The following ACOXL variants were observed in gnomAD, a reference collection of about 807,000 sequenced individuals.
ACOXL encodes the protein acyl-coenzyme A oxidase-like protein.
In ACOXL, 70 loss-of-function variants were observed where a neutral mutation model predicts 71.9. The ratio of observed to expected loss-of-function variants is 0.97; its 90% CI spans 0.80 to 1.19. The LOEUF (loss-of-function observed/expected upper bound fraction) is 1.19, where lower values mean the gene tolerates loss of function less well. ACOXL is among the 50% of genes most tolerant of loss of function. The probability of loss-of-function intolerance (pLI) is 0.00; values close to 1 mark genes in which losing one functional copy is unlikely to be tolerated. For synonymous variants in ACOXL, 253 were observed against 281.6 expected, an observed-to-expected ratio of 0.90 and a Z score of 1.02; for missense variants, 703 against 736.3, an observed-to-expected ratio of 0.95 and a Z score of 0.52.
chr2:110,793,985 C>G (rs1165175818), intron 4 of ACOXL, 91 bp from the exon 5 acceptor site: 18 of 1,334,184 alleles, frequency 1.3e-5, no homozygotes, highest in Admixed American at 1.8e-5. Context: ...ACCTGTCCCT[C>G]TCTCACCACC....
At chr2:110,953,865 T>C (rs2061411839) in intron 12 of ACOXL, among the ~76,000 whole-genome samples, 1 of 152,084 alleles carries the variant, frequency 6.6e-6, no homozygotes, top group Non-Finnish European at 1.5e-5. Flanking sequence ...TTTTAAATGA[T>C]CAGATCTCGT....
At chr2:110,922,568 A>G (rs2060118940) in intron 11 of ACOXL, among the ~76,000 whole-genome samples, 1 of 152,194 alleles carries the variant, frequency 6.6e-6, no homozygotes, top group East Asian at 1.9e-4. Flanking sequence ...TGTTTGTCAT[A>G]TATCTATGAT....
chr2:111,103,023 GCTCAC>G (rs2069281171), intron 17 of ACOXL, among the ~76,000 whole-genome samples: 2 of 152,186 alleles, frequency 1.3e-5, no homozygotes, highest in Non-Finnish European at 2.9e-5. Flanking sequence ...AAGCGCTGTG[GCTCAC>G]GCCTGTAATC....
intron 14 of ACOXL, among the ~76,000 whole-genome samples, chr2:111,004,733 G>C (rs2063792893): frequency 6.6e-6 from 1 of 152,144 alleles, no homozygotes; most frequent in Non-Finnish European, 1.5e-5. Flanking sequence ...CACCAATCAG[G>C]GATCTTGATC....
rs369594959 is a variant in ACOXL, at chr2:111,040,714, G to A, written c.1370-8504G>A. 9.2e-5 allele frequency among the ~76,000 whole-genome samples: 14 copies of A among 152,322 alleles called. No homozygotes were observed. The South Asian group carries it at 2.9e-3, about 32-fold the overall frequency. On this transcript the variant is annotated intron_variant, in intron 15 of 17. Coordinates refer to ENST00000439055, the MANE Select transcript of ACOXL (RefSeq NM_001142807.4). Reference sequence around the variant, plus strand: ...TGAGACTTTGCCTTTTGAAGGGCAGGTAGAATTTAGCTATCTGGAAGGTGG... The same window carrying A: ...TGAGACTTTGCCTTTTGAAGGGCAGATAGAATTTAGCTATCTGGAAGGTGG...
intron 9 of ACOXL, among the ~76,000 whole-genome samples, chr2:110,835,564 T>A (rs1439217118): frequency 3.9e-5 from 6 of 152,252 alleles, no homozygotes; most frequent in Admixed American, 3.9e-4. Flanking sequence ...GGAGGCCTCA[T>A]CTCCTCCAGA....
intron 14 of ACOXL, among the ~76,000 whole-genome samples, chr2:111,015,533 A>G (rs1290637872): frequency 2.0e-5 from 3 of 152,210 alleles, no homozygotes; most frequent in East Asian, 3.8e-4. Flanking sequence ...TAAAATGGTA[A>G]TCACCACTCT....
intron 16 of ACOXL, among the ~76,000 whole-genome samples, chr2:111,071,618 G>T (rs908811316): frequency 6.6e-6 from 1 of 152,200 alleles, no homozygotes; most frequent in African/African-American, 2.4e-5. Context: ...GTTGCTGGGG[G>T]AAGCTGTTCT....
At chr2:111,015,394 A>G (rs1368803631) in intron 14 of ACOXL, among the ~76,000 whole-genome samples, 1 of 152,204 alleles carries the variant, frequency 6.6e-6, no homozygotes, top group African/African-American at 2.4e-5. Context: ...CATCCCAGAA[A>G]TGGAAATTAA....
chr2:110,892,957 A>AT (rs896486621), intron 10 of ACOXL, among the ~76,000 whole-genome samples: 7 of 152,156 alleles, frequency 4.6e-5, no homozygotes, highest in Admixed American at 1.3e-4. Flanking sequence ...ATGTTGGTAG[A>AT]TTTTTTCCCA....
chr2:110,982,325 G>A (rs534210349), intron 12 of ACOXL, among the ~76,000 whole-genome samples: 4 of 152,152 alleles, frequency 2.6e-5, no homozygotes, highest in African/African-American at 9.6e-5. Context: ...TGCTAAAGTA[G>A]TCCTTCCGCT....
intron 9 of ACOXL, among the ~76,000 whole-genome samples, chr2:110,808,683 C>T (rs1686957027): frequency 6.6e-6 from 1 of 152,174 alleles, no homozygotes; most frequent in Non-Finnish European, 1.5e-5. Flanking sequence ...CCCCCTTTTG[C>T]ATGGGTTGTT....
Position 110,826,752 on chromosome 2 carries a change from CTT to C in ACOXL, c.754-14605_754-14604del, listed in dbSNP as rs775164507. Among the ~76,000 whole-genome samples the C allele has an allele frequency of 5.1e-5, 6 of 116,534 alleles. No individual in the cohort carries two copies. In the East Asian group the frequency reaches 7.4e-4, roughly 14 times the overall value. The allele number at this position is 116,534 out of a possible 152,430, so 76.5% of individuals were successfully genotyped here. On this transcript the variant is annotated intron_variant, in intron 9 of 17. Coordinates refer to ENST00000439055, the MANE Select transcript of ACOXL (RefSeq NM_001142807.4). ...GTTGTTTTGCTATTTTCTCTCTTTGCTTTTTTTTTTTTTTTCCTTTTTTTTTT... is the reference window on the plus strand; with the variant it reads ...GTTGTTTTGCTATTTTCTCTCTTTGCTTTTTTTTTTTTTCCTTTTTTTTTT...
chr2:110,788,552 A>G (rs1684266651), intron 3 of ACOXL, among the ~76,000 whole-genome samples: 2 of 152,340 alleles, frequency 1.3e-5, no homozygotes, highest in South Asian at 2.1e-4. Flanking sequence ...AGTTTTGGAA[A>G]TAGTGGTGAT....
chr2:110,980,999 C>G (rs1445515275), intron 12 of ACOXL, among the ~76,000 whole-genome samples: 1 of 152,168 alleles, frequency 6.6e-6, no homozygotes, highest in Non-Finnish European at 1.5e-5. Flanking sequence ...CCTGCATTCT[C>G]TTTGTATCCC....
chr2:110,735,997 C>T (rs1287468647), intron 1 of ACOXL, among the ~76,000 whole-genome samples: 1 of 152,104 alleles, frequency 6.6e-6, no homozygotes, highest in Non-Finnish European at 1.5e-5. Context: ...CCTTCTTCTC[C>T]CACTTGTAGC....
At chr2:110,759,672 C>G (rs943669450) in intron 1 of ACOXL, among the ~76,000 whole-genome samples, 3 of 152,084 alleles carry the variant, frequency 2.0e-5, no homozygotes, top group Admixed American at 2.0e-4. Context: ...GATCATACTT[C>G]CATGGGTTTA....
chr2:110,792,897 G>A (rs1336128759), intron 3 of ACOXL, among the ~76,000 whole-genome samples: 1 of 152,198 alleles, frequency 6.6e-6, no homozygotes, highest in Non-Finnish European at 1.5e-5. Flanking sequence ...AGTATTATAA[G>A]GCATTAGGTA....
intron 14 of ACOXL, among the ~76,000 whole-genome samples, chr2:110,999,181 G>C (rs1041254664): frequency 1.3e-5 from 2 of 152,086 alleles, no homozygotes; most frequent in Non-Finnish European, 2.9e-5. Context: ...TTCTCTCCTT[G>C]GTTTGTAATG....
Sources: allele counts gnomAD v4.1 joint callset (sites outside exome capture counted in the v4.1 genomes callset), GRCh38; gene constraint gnomAD v4.1.1; transcripts MANE v1.5; gene names NCBI Gene and HGNC (gene_info 2026-07-23, HGNC 2026-07-21).